The following FMR1NB variants were observed in gnomAD, a reference collection of about 807,000 sequenced individuals.
FMR1NB encodes FMR1 neighbor protein.
In FMR1NB, 10 loss-of-function variants were observed where a neutral mutation model predicts 16.8. The observed-to-expected ratio is 0.60, with a 90% CI of 0.37 to 1.01. The LOEUF is 1.01. FMR1NB is among the 50% of genes least tolerant of loss of function. The probability of loss-of-function intolerance (pLI) is 0.01; values close to 1 mark genes in which losing one functional copy is unlikely to be tolerated. For missense variants in FMR1NB, 205 were observed against 204.8 expected (o/e 1.00, Z 0.00); for synonymous variants, 83 against 79.1 (o/e 1.05, Z -0.26).
chrX:148,014,910 G>A (rs2044642517), intron 4 of FMR1NB, among the ~76,000 whole-genome samples: 1 of 112,002 alleles, frequency 8.9e-6, no homozygotes, highest in African/African-American at 3.2e-5. Flanking sequence ...CTCCTGAAGT[G>A]CTGGGATTAC....
intron 1 of FMR1NB, among the ~76,000 whole-genome samples, chrX:147,994,716 T>C (rs2044533225): frequency 8.9e-6 from 1 of 112,225 alleles, no homozygotes. Context: ...TTTCCAGGAG[T>C]ACTTTTTCCA....
chrX:148,006,177 T>C (rs1394867357), intron 2 of FMR1NB, among the ~76,000 whole-genome samples: 1 of 112,026 alleles, frequency 8.9e-6, no homozygotes, highest in Non-Finnish European at 1.9e-5. Flanking sequence ...AGTCATAATT[T>C]AAGGGTGAAA....
At chrX:148,020,164 A>G (rs944746733) in intron 4 of FMR1NB, among the ~76,000 whole-genome samples, 3 of 106,904 alleles carry the variant, frequency 2.8e-5, no homozygotes, top group African/African-American at 1.1e-4. Context: ...CAGGCAGAAG[A>G]GCCCTACCTT....
chrX:147,988,920 A>G (rs1410525530), intron 1 of FMR1NB, among the ~76,000 whole-genome samples: 1 of 111,334 alleles, frequency 9.0e-6, no homozygotes, highest in African/African-American at 3.3e-5. Flanking sequence ...CCTTTTGTCA[A>G]GATTCTTAGC....
chrX:148,001,089 G>A (rs2044568094), intron 1 of FMR1NB, among the ~76,000 whole-genome samples: 1 of 111,754 alleles, frequency 8.9e-6, no homozygotes, highest in African/African-American at 3.3e-5. Context: ...GTGGTGAAAT[G>A]GATTATGTTC....
intron 1 of FMR1NB, among the ~76,000 whole-genome samples, chrX:147,997,281 C>G (rs781974890): frequency 6.3e-5 from 7 of 111,984 alleles, no homozygotes; most frequent in Non-Finnish European, 1.3e-4. Context: ...TGGAGAAGAA[C>G]AGAGGCCTCA....
intron 1 of FMR1NB, among the ~76,000 whole-genome samples, chrX:147,986,197 T>C (rs2044475909): frequency 8.9e-6 from 1 of 112,491 alleles, no homozygotes; most frequent in African/African-American, 3.2e-5. Flanking sequence ...TTGTTTAAGC[T>C]CCTTGTAGAT....
intron 4 of FMR1NB, among the ~76,000 whole-genome samples, chrX:148,022,869 T>A (rs1557190707): frequency 2.7e-5 from 3 of 112,108 alleles, no homozygotes; most frequent in African/African-American, 9.7e-5. Context: ...ATAGTCATTT[T>A]AATTATATAA....
At chrX:148,015,371 G>C (rs782648159) in intron 4 of FMR1NB, among the ~76,000 whole-genome samples, 4 of 110,914 alleles carry the variant, frequency 3.6e-5, no homozygotes, top group Non-Finnish European at 7.6e-5. Flanking sequence ...TGTGGGTTTG[G>C]TTTGATTTTG....
At position 147,996,635 on chromosome X, in the gene FMR1NB, C is replaced by A. The variant is rs574216154; in HGVS notation, c.278-6566C>A. 3.6e-5 allele frequency among the ~76,000 whole-genome samples: 4 copies of A among 111,336 alleles called. No individual in the cohort carries two copies. In the Middle Eastern group the frequency reaches 0.014, roughly 385 times the overall value. ...AATTTGTAAAATGAAAATACAAGAT[C>A]TCTCATTTAAAATTCATGGTTTTCA... On this transcript the variant is annotated intron_variant, in intron 1 of 5. Transcript: ENST00000370467.
intron 1 of FMR1NB, among the ~76,000 whole-genome samples, chrX:147,990,296 A>C (rs1380257406): frequency 9.0e-6 from 1 of 110,752 alleles, no homozygotes; most frequent in Non-Finnish European, 1.9e-5. Flanking sequence ...CCCTGCTTCT[A>C]CTCACCCTCC....
chrX:148,014,770 G>A (rs1411305861), intron 4 of FMR1NB, among the ~76,000 whole-genome samples: 2 of 110,028 alleles, frequency 1.8e-5, no homozygotes, highest in African/African-American at 6.7e-5. Context: ...TCAGCCTCCC[G>A]AGTACCCAGG....
At chrX:147,984,103 C>A (rs1470297242) in intron 1 of FMR1NB, among the ~76,000 whole-genome samples, 1 of 112,069 alleles carries the variant, frequency 8.9e-6, no homozygotes, top group Non-Finnish European at 1.9e-5. Context: ...GTACCACATT[C>A]TTTTGATTAC....
chrX:147,998,569 A>G (rs1342030683), intron 1 of FMR1NB, among the ~76,000 whole-genome samples: 1 of 112,387 alleles, frequency 8.9e-6, no homozygotes, highest in East Asian at 2.8e-4. Context: ...AAACCTGCAC[A>G]TTCTGCACAT....
intron 1 of FMR1NB, among the ~76,000 whole-genome samples, chrX:148,000,244 A>G (rs2044564057): frequency 8.9e-6 from 1 of 112,110 alleles, no homozygotes; most frequent in Admixed American, 9.5e-5. Context: ...AACTGTGACC[A>G]TGAAGAAGCA....
chrX:147,982,809 G>T (rs1557186769), intron 1 of FMR1NB, among the ~76,000 whole-genome samples: 1 of 109,966 alleles, frequency 9.1e-6, no homozygotes, highest in Non-Finnish European at 1.9e-5. Context: ...CCGGAGAACG[G>T]CATGGACCCG....
chrX:148,008,541 A>G (rs2044608199), intron 3 of FMR1NB, 77 bp from the exon 4 acceptor site: 2 of 974,372 alleles, frequency 2.1e-6, no homozygotes, highest in Non-Finnish European at 2.9e-6. Flanking sequence ...GTTTCTTTAT[A>G]AAGACTTTAT....
chrX:147,991,647 C>CTTTTTTTTTTTTTTTTTTTTTTTTTTTT (rs782065632), intron 1 of FMR1NB, among the ~76,000 whole-genome samples: 5 of 87,337 alleles, frequency 5.7e-5, no homozygotes, highest in African/African-American at 1.5e-4. Flanking sequence ...GGCCTTCCTT[C>CTTTTTTTTTTTTTTTTTTTTTTTTTTTT]TTTTTTTTTT....
chrX:148,006,197 T>A (rs1327565389), intron 2 of FMR1NB, among the ~76,000 whole-genome samples: 1 of 111,996 alleles, frequency 8.9e-6, no homozygotes, highest in Non-Finnish European at 1.9e-5. Flanking sequence ...ACGAAGAATC[T>A]TAAAATATAT....
Sources: gnomAD v4.1 joint callset for allele counts (sites outside exome capture counted in the v4.1 genomes callset) on GRCh38, gnomAD v4.1.1 for gene constraint, MANE v1.5 for transcripts, NCBI Gene and HGNC (gene_info 2026-07-23, HGNC 2026-07-21) for gene names.